EXT1: variants seen among roughly 807,000 people sequenced by gnomAD.
The protein encoded by EXT1 is exostosin-1.
EXT1 carries 20 observed loss-of-function variants against 82.5 expected under a neutral mutation model. The ratio of observed to expected loss-of-function variants is 0.24; its 90% CI spans 0.17 to 0.35. The LOEUF (loss-of-function observed/expected upper bound fraction) is 0.35, where lower values mean the gene tolerates loss of function less well. Among genes scored for constraint, EXT1 ranks in the 10% least tolerant of loss-of-function variants. EXT1 has a pLI of 1.00. For missense variants in EXT1, 757 were observed against 936.5 expected (o/e 0.81, Z 2.50); for synonymous variants, 348 against 350.8 (o/e 0.99, Z 0.09).
At chr8:117,993,136 T>C (rs1026907880) in intron 1 of EXT1, among the ~76,000 whole-genome samples, 1 of 152,242 alleles carries the variant, frequency 6.6e-6, no homozygotes, top group Non-Finnish European at 1.5e-5. Flanking sequence ...TTCTCCATTT[T>C]TACATTTCTT....
chr8:117,909,854 G>A (rs748652706), intron 1 of EXT1, among the ~76,000 whole-genome samples: 15 of 151,916 alleles, frequency 9.9e-5, no homozygotes, highest in African/African-American at 1.7e-4. Flanking sequence ...TGCAACCTCC[G>A]CCTCCCAGGT....
chr8:118,062,347 A>G (rs1053443008), intron 1 of EXT1, among the ~76,000 whole-genome samples: 6 of 152,196 alleles, frequency 3.9e-5, no homozygotes, highest in African/African-American at 7.2e-5. Context: ...ATCCTAGTGA[A>G]GGTGATGGGC....
chr8:118,054,278 C>T (rs140869096), intron 1 of EXT1, among the ~76,000 whole-genome samples: 1 of 152,142 alleles, frequency 6.6e-6, no homozygotes, highest in Non-Finnish European at 1.5e-5. Context: ...ATTTCTTGCC[C>T]TTCCCCTACC....
At position 117,827,164 on chromosome 8, in the gene EXT1, T is replaced by C. The variant is rs17474525; in HGVS notation, c.1284+3066A>G. 3.7e-3 allele frequency among the ~76,000 whole-genome samples: 561 copies of C among 152,318 alleles called. 1 individual carries two copies. Among genetic ancestry groups the C allele is most frequent in the African/African-American group, 0.013 (521 of 41,566 alleles). ...AGGTGGATATAATGTTTTTGGATAA[T>C]AATTTGGCAAAATATATTATAAGCC... On this transcript the variant is annotated intron_variant, in intron 4 of 10. Coordinates refer to ENST00000378204, the MANE Select transcript of EXT1 (RefSeq NM_000127.3).
At chr8:117,929,729 A>G (rs1441042240) in intron 1 of EXT1, among the ~76,000 whole-genome samples, 1 of 152,246 alleles carries the variant, frequency 6.6e-6, no homozygotes, top group Non-Finnish European at 1.5e-5. Flanking sequence ...CAGCCGGATT[A>G]ACATGCTTCT....
At chr8:117,974,080 C>G (rs1320300918) in intron 1 of EXT1, among the ~76,000 whole-genome samples, 1 of 152,108 alleles carries the variant, frequency 6.6e-6, no homozygotes, top group Non-Finnish European at 1.5e-5. Flanking sequence ...TTCTTCTCAT[C>G]CCCTCCCACC....
At chr8:117,800,596 A>G (rs1401211217) in intron 10 of EXT1, among the ~76,000 whole-genome samples, 7 of 152,192 alleles carry the variant, frequency 4.6e-5, no homozygotes, top group African/African-American at 1.7e-4. Context: ...CTGTATGACT[A>G]ACTTTATACT....
At chr8:117,931,018 G>A (rs1814049955) in intron 1 of EXT1, among the ~76,000 whole-genome samples, 1 of 152,174 alleles carries the variant, frequency 6.6e-6, no homozygotes. Context: ...ATCTTATATG[G>A]CCTAAAAAGG....
chr8:117,881,513 T>C (rs1345460777), intron 1 of EXT1, among the ~76,000 whole-genome samples: 1 of 152,198 alleles, frequency 6.6e-6, no homozygotes, highest in Non-Finnish European at 1.5e-5. Flanking sequence ...GTGAGAGGTG[T>C]TGGTTCTTCC....
At chr8:117,889,211 G>A (rs1353870018) in intron 1 of EXT1, among the ~76,000 whole-genome samples, 1 of 152,124 alleles carries the variant, frequency 6.6e-6, no homozygotes, top group Non-Finnish European at 1.5e-5. Context: ...TGATCACGGA[G>A]CCTCGTTACC....
intron 1 of EXT1, among the ~76,000 whole-genome samples, chr8:118,042,278 C>T (rs893799518): frequency 6.6e-6 from 1 of 151,848 alleles, no homozygotes; most frequent in Admixed American, 6.6e-5. Flanking sequence ...CCAAATCCAC[C>T]TTGGTTTAGT....
chr8:117,873,040 G>C (rs1812901468), intron 1 of EXT1, among the ~76,000 whole-genome samples: 1 of 152,110 alleles, frequency 6.6e-6, no homozygotes, highest in Non-Finnish European at 1.5e-5. Flanking sequence ...TGATGATGTG[G>C]AGCTTTTGGG....
At chr8:117,901,738 C>T (rs1813452131) in intron 1 of EXT1, among the ~76,000 whole-genome samples, 1 of 152,080 alleles carries the variant, frequency 6.6e-6, no homozygotes, top group Admixed American at 6.6e-5. Context: ...ACTCTGTCTC[C>T]TAGGCTGGAG....
intron 1 of EXT1, among the ~76,000 whole-genome samples, chr8:117,869,876 T>C (rs1241960423): frequency 6.6e-6 from 1 of 152,100 alleles, no homozygotes; most frequent in Non-Finnish European, 1.5e-5. Context: ...GTAGTACTTT[T>C]AATAAATGTA....
At chr8:118,010,222 A>C (rs1470776732) in intron 1 of EXT1, among the ~76,000 whole-genome samples, 1 of 151,802 alleles carries the variant, frequency 6.6e-6, no homozygotes, top group Non-Finnish European at 1.5e-5. Flanking sequence ...AATACAAAAA[A>C]TTAGCCGGGC....
intron 1 of EXT1, among the ~76,000 whole-genome samples, chr8:118,077,255 C>T (rs1245113287): frequency 2.0e-5 from 3 of 152,210 alleles, no homozygotes; most frequent in Non-Finnish European, 4.4e-5. Context: ...CCAGGACCAC[C>T]ACCAGGCTTT....
Position 117,795,481 on chromosome 8 carries a change from G to A in EXT1, c.*4231C>T, listed in dbSNP as rs1157767900. The A allele has an allele frequency of 2.7e-5, 2 of 75,064 alleles. No homozygotes were observed. The highest frequency in any genetic ancestry group is 1.5e-4 in the African/African-American group (2 of 13,458). 4.6% of individuals were successfully genotyped at this position (75,064 alleles called of 1,614,324 possible). ...TATCTTAGGGTACTTAATCCCCCAA[G>A]CTTTTTTTTTTTTTTAAAGAAAAAA... On this transcript the variant is annotated 3_prime_UTR_variant, in exon 11 of 11. Transcript: ENST00000378204.
chr8:117,804,400 A>T (rs1823207966), intron 10 of EXT1, among the ~76,000 whole-genome samples: 1 of 152,190 alleles, frequency 6.6e-6, no homozygotes, highest in African/African-American at 2.4e-5. Flanking sequence ...AATGTCTGTT[A>T]TTTAAGTCAC....
chr8:117,804,693 G>A (rs1823211965), intron 10 of EXT1, 29 bp downstream of exon 10: 2 of 1,613,238 alleles, frequency 1.2e-6, no homozygotes, highest in Admixed American at 3.3e-5. Flanking sequence ...AGTGAGTGAA[G>A]CAAGGGAAGA....
Sources: allele counts gnomAD v4.1 joint callset (sites outside exome capture counted in the v4.1 genomes callset), GRCh38; gene constraint gnomAD v4.1.1; transcripts MANE v1.5; gene names NCBI Gene and HGNC (gene_info 2026-07-23, HGNC 2026-07-21).